Variants in ASCC3 observed in about 807,000 individuals in gnomAD.
ASCC3 encodes the protein ASC-1 complex subunit P200.
A neutral mutation model predicts 256.3 loss-of-function variants in ASCC3; 158 were observed. That is an observed-to-expected ratio of 0.62 (90% CI 0.54 to 0.70). ASCC3 has a LOEUF of 0.70. Among genes scored for constraint, ASCC3 ranks in the 30% least tolerant of loss-of-function variants. The pLI is 0.00. For missense variants in ASCC3, 2,259 were observed against 2,626.0 expected, an observed-to-expected ratio of 0.86 and a Z score of 3.05; for synonymous variants, 948 against 883.4, an observed-to-expected ratio of 1.07 and a Z score of -1.30.
intron 14 of ASCC3, among the ~76,000 whole-genome samples, chr6:100,677,666 C>A (rs762931231): frequency 2.0e-5 from 3 of 151,676 alleles, no homozygotes; most frequent in African/African-American, 4.8e-5. Flanking sequence ...TTCTGGGATA[C>A]CTACTATCAG....
rs777871285 is a variant in ASCC3, at chr6:100,853,332, G to A, written c.242-4625C>T. Among the ~76,000 whole-genome samples, 57 of 151,684 alleles carry A rather than the reference G, an allele frequency of 3.8e-4. 1 individual carries two copies. Among genetic ancestry groups the A allele is most frequent in the Non-Finnish European group, 5.9e-4 (40 of 67,948 alleles). On this transcript the variant is annotated intron_variant, in intron 3 of 41. Transcript: ENST00000369162. ...TTCTGTAGCCTACTTTAATAGTTGA[G>A]GAATCCTGGAAAAAGGATGAGTAGA...
chr6:100,702,521 G>A (rs1778401231), intron 13 of ASCC3, among the ~76,000 whole-genome samples: 1 of 152,064 alleles, frequency 6.6e-6, no homozygotes, highest in South Asian at 2.1e-4. Context: ...TGGGTTTGGA[G>A]TACAAATATG....
intron 36 of ASCC3, among the ~76,000 whole-genome samples, chr6:100,575,853 T>A (rs1030370429): frequency 6.6e-6 from 1 of 152,086 alleles, no homozygotes; most frequent in African/African-American, 2.4e-5. Flanking sequence ...AGCTTTTCAT[T>A]TCTATTCCAG....
chr6:100,646,885 A>G, intron 21 of ASCC3, 116 bp from the exon 22 acceptor site: 1 of 1,089,914 alleles, frequency 9.2e-7, no homozygotes, highest in Non-Finnish European at 1.4e-6. Context: ...ATGATTTGCT[A>G]TGTAGAATAG....
In ASCC3 at chr6:100,531,108, T is replaced by G. The variant is rs758729690; in HGVS notation, c.5775+9055A>C. 6.7e-5 allele frequency: 75 copies of G among 1,116,718 alleles called. 1 individual carries two copies. Among genetic ancestry groups the G allele is most frequent in the Non-Finnish European group, 9.7e-5 (72 of 738,884 alleles). 69.2% of individuals were successfully genotyped at this position (1,116,718 alleles called of 1,614,324 possible). A position where few individuals can be genotyped will look rare whatever the true frequency, so the allele number is the denominator to read the frequency against. ...TCTGTACAATAAATACAACAGAAAATTGCACAATTTCTGCTGGCTGGACTG... is the reference window on the plus strand; with the variant it reads ...TCTGTACAATAAATACAACAGAAAAGTGCACAATTTCTGCTGGCTGGACTG... On this transcript the variant is annotated intron_variant, in intron 37 of 41. Transcript: ENST00000369162.
chr6:100,646,762 A>T lies in ASCC3; in HGVS notation c.3486T>A (p.Ile1162=), dbSNP rs1775402612. The change falls in exon 22 of 42, where the codon ATT becomes ATA. Residue 1162 remains isoleucine (I), a synonymous_variant. Transcript: ENST00000369162. ...TCAGTCCAATATTCACATGATGTAAAATGTGACCTGCAAGAAAAATATCAC... is the reference window on the plus strand; with the variant it reads ...TCAGTCCAATATTCACATGATGTAATATGTGACCTGCAAGAAAAATATCAC... ...KDMRKDEIGH[I]LHHVNIGLKV... The T allele has an allele frequency of 6.2e-7, 1 of 1,613,708 alleles. No homozygotes were observed. Among genetic ancestry groups the T allele is most frequent in the Admixed American group, 1.7e-5 (1 of 59,996 alleles).
intron 13 of ASCC3, among the ~76,000 whole-genome samples, chr6:100,714,822 T>C (rs923691121): frequency 6.6e-6 from 1 of 152,070 alleles, no homozygotes; most frequent in Non-Finnish European, 1.5e-5. Context: ...CAGTGTCCCA[T>C]GCTCTCAAGT....
intron 36 of ASCC3, among the ~76,000 whole-genome samples, chr6:100,568,642 T>C (rs1770402241): frequency 6.6e-6 from 1 of 151,778 alleles, no homozygotes; most frequent in Admixed American, 6.6e-5. Flanking sequence ...CTGTAGGTTG[T>C]CTGTTTGGTC....
At chr6:100,545,175 C>G (rs1027495366) in intron 36 of ASCC3, among the ~76,000 whole-genome samples, 3 of 151,614 alleles carry the variant, frequency 2.0e-5, no homozygotes, top group Admixed American at 6.5e-5. Context: ...AATGGCACTT[C>G]TTTTTTTGTT....
intron 13 of ASCC3, among the ~76,000 whole-genome samples, chr6:100,695,583 C>A (rs1347413560): frequency 6.6e-6 from 1 of 152,192 alleles, no homozygotes; most frequent in East Asian, 1.9e-4. Flanking sequence ...AGCCTAGAGA[C>A]TCCTTTCTTA....
chr6:100,710,227 A>C (rs1778799311), intron 13 of ASCC3, among the ~76,000 whole-genome samples: 1 of 152,308 alleles, frequency 6.6e-6, no homozygotes, highest in African/African-American at 2.4e-5. Flanking sequence ...GAAGTCACAC[A>C]TTCTTAAAGA....
At chr6:100,823,682 A>T (rs946142842) in intron 4 of ASCC3, among the ~76,000 whole-genome samples, 2 of 152,168 alleles carry the variant, frequency 1.3e-5, no homozygotes, top group Non-Finnish European at 2.9e-5. Flanking sequence ...TCATGAATAG[A>T]AACAGTCAAA....
intron 36 of ASCC3, among the ~76,000 whole-genome samples, chr6:100,562,435 A>T (rs890611609): frequency 3.9e-5 from 6 of 152,068 alleles, no homozygotes; most frequent in African/African-American, 1.2e-4. Flanking sequence ...AGAATTATTA[A>T]TCAGTAGGTA....
intron 30 of ASCC3, 127 bp downstream of exon 30, chr6:100,625,065 T>C (rs1488010520): frequency 4.9e-6 from 5 of 1,023,294 alleles, no homozygotes; most frequent in African/African-American, 4.8e-5. Context: ...AGAATATTAA[T>C]AGTGTGGTAA....
intron 36 of ASCC3, among the ~76,000 whole-genome samples, chr6:100,544,930 A>C (rs911353197): frequency 1.3e-5 from 2 of 152,238 alleles, no homozygotes; most frequent in African/African-American, 2.4e-5. Context: ...CAAATTTAAC[A>C]ATATATAAAC....
chr6:100,589,768 C>G lies in ASCC3; in HGVS notation c.5416G>C (p.Asp1806His), dbSNP rs1181617478. ...GTTAGAGGTTCAATGCTGCGATTAT[C>G]CTATTTCAAAAGAATAACAAATGAA... is the stretch of plus-strand genomic sequence containing the variant. ...ELSYCIEIGE[D>H]NRSIEPLTYG... is the part of the protein sequence containing the mutation. The change falls in exon 36 of 42, where the codon GAT (aspartate) becomes CAT (histidine). Residue 1806 changes from aspartate (D) to histidine (H), a missense_variant and splice_region_variant. By Grantham distance (81) the Asp-to-His change is moderately conservative (BLOSUM62 -1). Coordinates refer to ENST00000369162, the MANE Select transcript of ASCC3 (RefSeq NM_006828.4). 2 of 1,613,510 alleles carry G rather than the reference C, an allele frequency of 1.2e-6. No individual in the cohort carries two copies. Among genetic ancestry groups the G allele is most frequent in the Admixed American group, 3.3e-5 (2 of 60,002 alleles).
chr6:100,648,273 G>A (rs946411602), intron 20 of ASCC3, among the ~76,000 whole-genome samples: 5 of 151,978 alleles, frequency 3.3e-5, no homozygotes, highest in African/African-American at 1.2e-4. Context: ...CATTTATTTT[G>A]CCTCCACTCC....
chr6:100,864,061 T>C lies in ASCC3; in HGVS notation c.241+3A>G. 2 of 1,541,620 alleles carry C rather than the reference T, an allele frequency of 1.3e-6. No homozygotes were observed. Among genetic ancestry groups the C allele is most frequent in the Non-Finnish European group, 1.8e-6 (2 of 1,136,380 alleles). ...AAAAAAAAAGAAAAAAAGAAAACTA[T>C]ACCTATCTGCTTTGCAGCATGTAAT... On this transcript the variant is annotated splice_donor_region_variant and intron_variant, in intron 3 of 41. Coordinates refer to ENST00000369162, the MANE Select transcript of ASCC3 (RefSeq NM_006828.4).
chr6:100,643,466 A>G (rs978176755), intron 23 of ASCC3, among the ~76,000 whole-genome samples: 1 of 152,172 alleles, frequency 6.6e-6, no homozygotes, highest in Admixed American at 6.5e-5. Context: ...AACCATGGTA[A>G]AGATTATCCA....
Sources: allele counts gnomAD v4.1 joint callset (sites outside exome capture counted in the v4.1 genomes callset), GRCh38; gene constraint gnomAD v4.1.1; transcripts MANE v1.5; gene names NCBI Gene and HGNC (gene_info 2026-07-23, HGNC 2026-07-21).